Variants in SDK1 observed in about 807,000 individuals in gnomAD.
The protein encoded by SDK1 is sidekick cell adhesion molecule 1, also known as protein sidekick-1.
A neutral mutation model predicts 245.5 loss-of-function variants in SDK1; 157 were observed. The observed-to-expected ratio is 0.64, with a 90% CI of 0.56 to 0.73. The LOEUF is 0.73. Among genes scored for constraint, SDK1 ranks in the 30% least tolerant of loss-of-function variants. The pLI is 0.00. For synonymous variants in SDK1, 1,647 were observed against 1,278.5 expected, an observed-to-expected ratio of 1.29 and a Z score of -6.15; for missense variants, 3,583 against 3,002.3, an observed-to-expected ratio of 1.19 and a Z score of -4.52.
intron 28 of SDK1, among the ~76,000 whole-genome samples, chr7:4,135,294 C>G (rs1267893944): frequency 6.6e-6 from 1 of 152,214 alleles, no homozygotes; most frequent in Non-Finnish European, 1.5e-5. Flanking sequence ...GACCCCTACA[C>G]CCTTGCCAGG....
chr7:3,979,238 G>A (rs777927665), intron 13 of SDK1, among the ~76,000 whole-genome samples: 1 of 152,204 alleles, frequency 6.6e-6, no homozygotes, highest in Non-Finnish European at 1.5e-5. Flanking sequence ...GCACCCACCC[G>A]GGTTTGTAAG....
At chr7:3,620,827 C>T (rs996569326) in intron 2 of SDK1, among the ~76,000 whole-genome samples, 4 of 152,088 alleles carry the variant, frequency 2.6e-5, no homozygotes, top group African/African-American at 9.7e-5. Context: ...TCCCCATTCC[C>T]ATTACCCACC....
At chr7:4,123,938 A>G (rs1784225724) in intron 25 of SDK1, among the ~76,000 whole-genome samples, 1 of 152,210 alleles carries the variant, frequency 6.6e-6, no homozygotes, top group Admixed American at 6.5e-5. Flanking sequence ...GGGGGCAGGC[A>G]TCCCAGGCCT....
chr7:4,197,468 A>G (rs1001606890), intron 35 of SDK1, among the ~76,000 whole-genome samples: 1 of 152,152 alleles, frequency 6.6e-6, no homozygotes, highest in African/African-American at 2.4e-5. Flanking sequence ...AGTCTGGGAA[A>G]CAGAGCAAGA....
chr7:3,945,458 T>G (rs1451471857), intron 5 of SDK1, among the ~76,000 whole-genome samples: 1 of 152,168 alleles, frequency 6.6e-6, no homozygotes, highest in Non-Finnish European at 1.5e-5. Flanking sequence ...TCAGAAAGTA[T>G]TTATACTCTC....
At chr7:3,952,140 G>A (rs950061362) in intron 7 of SDK1, 13 of 551,974 alleles carry the variant, frequency 2.4e-5, no homozygotes, top group Admixed American at 7.3e-5. Flanking sequence ...TCCAAGAAAC[G>A]TCCTTCTGAA....
At chr7:4,108,624 A>AT (rs58383468) in intron 22 of SDK1, among the ~76,000 whole-genome samples, 8,580 of 152,014 alleles carry the variant, frequency 0.056, 600 homozygotes, top group African/African-American at 0.16. Flanking sequence ...TCTACCAAAT[A>AT]TTTTGGCCGG....
At chr7:3,963,990 G>A (rs1242453698) in intron 9 of SDK1, among the ~76,000 whole-genome samples, 5 of 152,136 alleles carry the variant, frequency 3.3e-5, no homozygotes, top group Admixed American at 1.3e-4. Context: ...CCACGCCCAC[G>A]GCTACCCGGA....
At chr7:4,194,900 C>G (rs1298830856) in intron 35 of SDK1, among the ~76,000 whole-genome samples, 1 of 152,184 alleles carries the variant, frequency 6.6e-6, no homozygotes, top group Non-Finnish European at 1.5e-5. Flanking sequence ...CAAAGTCATT[C>G]TTACACCTAA....
chr7:3,683,710 G>T (rs1470897981), intron 4 of SDK1, among the ~76,000 whole-genome samples: 2 of 152,206 alleles, frequency 1.3e-5, no homozygotes, highest in Non-Finnish European at 2.9e-5. Flanking sequence ...GGGACTTGAG[G>T]CATGAGGTGC....
chr7:3,702,806 C>G (rs1051560148), intron 4 of SDK1, among the ~76,000 whole-genome samples: 4 of 152,108 alleles, frequency 2.6e-5, no homozygotes, highest in African/African-American at 9.7e-5. Flanking sequence ...TGACTTCTGC[C>G]TGTTTTGCAA....
chr7:3,954,887 A>G (rs1336348241), intron 7 of SDK1, among the ~76,000 whole-genome samples: 1 of 152,040 alleles, frequency 6.6e-6, no homozygotes, highest in Non-Finnish European at 1.5e-5. Flanking sequence ...TTTACCAATA[A>G]TCAGTTATGT....
At chr7:3,987,556 G>C (rs2128139336) in intron 14 of SDK1, among the ~76,000 whole-genome samples, 1 of 152,214 alleles carries the variant, frequency 6.6e-6, no homozygotes, top group African/African-American at 2.4e-5. Flanking sequence ...GAGTGGATTT[G>C]GGGCCCCATG....
At chr7:3,471,295 C>T (rs894828490) in intron 1 of SDK1, among the ~76,000 whole-genome samples, 2 of 152,076 alleles carry the variant, frequency 1.3e-5, no homozygotes, top group Non-Finnish European at 2.9e-5. Flanking sequence ...AGACTAGTTG[C>T]TAATGAGGAG....
chr7:3,321,839 C>CCTTT lies in SDK1; in HGVS notation c.298+19955_298+19956insCTTT, dbSNP rs1175768033. Among the ~76,000 whole-genome samples the CCTTT allele has an allele frequency of 8.7e-3, 1,023 of 117,272 alleles. 34 individuals are homozygous for CCTTT. Among genetic ancestry groups the CCTTT allele is most frequent in the African/African-American group, 0.031 (827 of 26,488 alleles). 76.9% of individuals were successfully genotyped at this position (117,272 alleles called of 152,430 possible). ...TTCCTTCCTTCCTTCCTCCTTTTCT[C>CCTTT]TCTCTCTCTCTCTCTTTCTCTCTTT... On this transcript the variant is annotated intron_variant, in intron 1 of 44. Coordinates refer to ENST00000404826, the MANE Select transcript of SDK1 (RefSeq NM_152744.4).
chr7:3,601,291 G>C (rs151323008), intron 1 of SDK1, among the ~76,000 whole-genome samples: 3 of 152,278 alleles, frequency 2.0e-5, no homozygotes, highest in Non-Finnish European at 4.4e-5. Flanking sequence ...ATGTACATTG[G>C]TGTTGATTCT....
Position 3,378,950 on chromosome 7 carries a change from C to T in SDK1, c.298+77066C>T, listed in dbSNP as rs938458318. Reference sequence around the variant, plus strand: ...CCCACCCCTTCCCCGGAGCAGACCCCTGAGTCAGACAGTTCAAACGAGGAC... The same window carrying T: ...CCCACCCCTTCCCCGGAGCAGACCCTTGAGTCAGACAGTTCAAACGAGGAC... On this transcript the variant is annotated intron_variant, in intron 1 of 44. Coordinates refer to ENST00000404826, the MANE Select transcript of SDK1 (RefSeq NM_152744.4). Among the ~76,000 whole-genome samples, 27 of 152,218 alleles carry T rather than the reference C, an allele frequency of 1.8e-4. 2 individuals are homozygous for T. The South Asian group carries it at 4.6e-3, about 26-fold the overall frequency.
intron 40 of SDK1, among the ~76,000 whole-genome samples, chr7:4,226,519 A>G (rs1010138053): frequency 5.9e-5 from 9 of 152,178 alleles, no homozygotes; most frequent in African/African-American, 2.2e-4. Flanking sequence ...TGCTGTGGCC[A>G]TGTGGAGACG....
chr7:3,366,731 T>C (rs1781101932), intron 1 of SDK1, among the ~76,000 whole-genome samples: 1 of 152,084 alleles, frequency 6.6e-6, no homozygotes, highest in South Asian at 2.1e-4. Flanking sequence ...TTGATAATTA[T>C]TGTTTTTATT....
Sources: gnomAD v4.1 joint callset for allele counts (sites outside exome capture counted in the v4.1 genomes callset) on GRCh38, gnomAD v4.1.1 for gene constraint, MANE v1.5 for transcripts, NCBI Gene and HGNC (gene_info 2026-07-23, HGNC 2026-07-21) for gene names.